BCAS3: variants seen among roughly 807,000 people sequenced by gnomAD.
BCAS3 encodes BCAS4/BCAS3 fusion.
BCAS3 carries 53 observed loss-of-function variants against 116.1 expected under a neutral mutation model. That is an observed-to-expected ratio of 0.46 (90% CI 0.37 to 0.57). The LOEUF is 0.57. Among genes scored for constraint, BCAS3 ranks in the 20% least tolerant of loss-of-function variants. The probability of loss-of-function intolerance (pLI) is 0.00; values close to 1 mark genes in which losing one functional copy is unlikely to be tolerated. For missense variants in BCAS3, 917 were observed against 1,165.4 expected (o/e 0.79, Z 3.10); for synonymous variants, 391 against 408.2 (o/e 0.96, Z 0.51).
intron 19 of BCAS3, among the ~76,000 whole-genome samples, chr17:61,071,550 G>A (rs1363780960): frequency 1.3e-5 from 2 of 152,194 alleles, no homozygotes; most frequent in African/African-American, 2.4e-5. Context: ...AGCTCTGCGA[G>A]GGATGTCAAT....
In BCAS3 at chr17:61,368,210, C is replaced by T. The variant is rs1047569378; in HGVS notation, c.2426-117C>T. 4.7e-5 allele frequency: 54 copies of T among 1,150,450 alleles called. No homozygotes were observed. The highest frequency in any genetic ancestry group is 6.1e-5 in the Non-Finnish European group (50 of 822,130). The allele number at this position is 1,150,450 out of a possible 1,614,324, so 71.3% of individuals were successfully genotyped here. ...CAGTCTGTTGGCGGCGTGCTTCCAT[C>T]CTACAGGAAGGCTACAATGGACCCT... On this transcript the variant is annotated intron_variant, in intron 22 of 23. Coordinates refer to ENST00000407086, the MANE Select transcript of BCAS3 (RefSeq NM_017679.5). This position sits in a 1 kb window ranked among gnomAD's most constrained non-coding sequence, Gnocchi z 6.0.
At position 61,324,466 on chromosome 17, in the gene BCAS3, C is replaced by T. The variant is rs370583713; in HGVS notation, c.2426-43861C>T. On this transcript the variant is annotated intron_variant, in intron 22 of 23. Transcript: ENST00000407086. The surrounding 1 kb of genome is among the most constrained non-coding windows in gnomAD (Gnocchi z 4.6). ...TATATGTACATGTAATATTTGTGTG[C>T]GTTTAATCCCAGTTCTAGTATATCC... Among the ~76,000 whole-genome samples, 65 of 152,272 alleles carry T rather than the reference C, an allele frequency of 4.3e-4. 1 individual carries two copies. The South Asian group carries it at 0.012, about 28-fold the overall frequency.
At chr17:60,970,282 C>A (rs1325018985) in intron 14 of BCAS3, among the ~76,000 whole-genome samples, 1 of 151,822 alleles carries the variant, frequency 6.6e-6, no homozygotes, top group Non-Finnish European at 1.5e-5. Flanking sequence ...ATGAAAATGG[C>A]ATACTAAAAA....
At chr17:61,152,887 A>G (rs1215193573) in intron 22 of BCAS3, among the ~76,000 whole-genome samples, 2 of 152,178 alleles carry the variant, frequency 1.3e-5, no homozygotes, top group Non-Finnish European at 2.9e-5. Flanking sequence ...TCTGTAAGGG[A>G]ATCCCTTATT....
chr17:61,005,551 A>G (rs909806028), intron 15 of BCAS3, among the ~76,000 whole-genome samples: 2 of 152,034 alleles, frequency 1.3e-5, no homozygotes, highest in African/African-American at 4.8e-5. Context: ...CATCTGAAGG[A>G]AATGCATCTT....
intron 10 of BCAS3, among the ~76,000 whole-genome samples, chr17:60,891,225 T>C (rs1221283679): frequency 6.6e-6 from 1 of 152,238 alleles, no homozygotes; most frequent in African/African-American, 2.4e-5. Context: ...ATGTATAAAT[T>C]GTCCCTTGGT....
At chr17:61,234,783 GAAAAA>G (rs71148395) in intron 22 of BCAS3, among the ~76,000 whole-genome samples, 52 of 143,148 alleles carry the variant, frequency 3.6e-4, no homozygotes, top group South Asian at 1.7e-3. Flanking sequence ...GCTTTTTCCA[GAAAAA>G]AAAAAAAAAA....
rs1326960240 is a variant in BCAS3 at position 61,376,082 on chromosome 17, G to C, written c.2593+7588G>C. On this transcript the variant is annotated intron_variant, in intron 23 of 23. Coordinates refer to ENST00000407086, the MANE Select transcript of BCAS3 (RefSeq NM_017679.5). The surrounding 1 kb of genome is among the most constrained non-coding windows in gnomAD (Gnocchi z 4.5). ...TTTATCCAGTCCAGCCCTAGGGGTA[G>C]ATAGATGCATCCTACTGGCCCAACT... 6.6e-6 allele frequency among the ~76,000 whole-genome samples: 1 copy of C among 152,214 alleles called. No homozygotes were observed. Among genetic ancestry groups the C allele is most frequent in the Non-Finnish European group, 1.5e-5 (1 of 68,048 alleles).
intron 22 of BCAS3, among the ~76,000 whole-genome samples, chr17:61,101,797 G>T (rs963873595): frequency 3.9e-5 from 6 of 152,014 alleles, no homozygotes; most frequent in African/African-American, 1.4e-4. Context: ...AATAATATTT[G>T]GCTTTTTAAT....
chr17:61,127,721 T>A (rs889168201), intron 22 of BCAS3, among the ~76,000 whole-genome samples: 6 of 148,726 alleles, frequency 4.0e-5, no homozygotes, highest in Admixed American at 2.0e-4. Flanking sequence ...CAAACTTCAA[T>A]AATGTCTGTC....
chr17:61,360,423 G>A (rs2058392257), intron 22 of BCAS3, among the ~76,000 whole-genome samples: 1 of 152,184 alleles, frequency 6.6e-6, no homozygotes, highest in Admixed American at 6.5e-5. Flanking sequence ...GCTGCTTTAA[G>A]GAATTACCAT....
rs1598329677 is a variant in BCAS3 at position 60,727,146 on chromosome 17, A to C, written c.321+17821A>C. ...TTCAACATTTTCTCTTCAAAATTAA[A>C]AGAAAAATATCCCAAAGTTTAGAAC... On this transcript the variant is annotated intron_variant, in intron 5 of 23. Transcript: ENST00000407086. 48 of 591,110 alleles carry C rather than the reference A, an allele frequency of 8.1e-5. 1 individual carries two copies. In the East Asian group the frequency reaches 1.6e-3, roughly 20 times the overall value. 36.6% of individuals were successfully genotyped at this position (591,110 alleles called of 1,614,324 possible).
intron 22 of BCAS3, among the ~76,000 whole-genome samples, chr17:61,287,678 A>G (rs2051965139): frequency 6.6e-6 from 1 of 152,086 alleles, no homozygotes. Flanking sequence ...GTGAGCCAAG[A>G]TGGCATCGTT....
Position 61,041,215 on chromosome 17 carries a change from A to G in BCAS3, c.2029+323A>G, listed in dbSNP as rs2067478548. Among the ~76,000 whole-genome samples the G allele has an allele frequency of 6.6e-6, 1 of 151,812 alleles. No individual in the cohort carries two copies. The highest frequency in any genetic ancestry group is 1.5e-5 in the Non-Finnish European group (1 of 68,002). ...GCTAGGATATAATAAAAAGTTTCATAAAGCTTGGAATCTGTTTCTAACATG... is the reference window on the plus strand; with the variant it reads ...GCTAGGATATAATAAAAAGTTTCATGAAGCTTGGAATCTGTTTCTAACATG... On this transcript the variant is annotated intron_variant, in intron 19 of 23. Coordinates refer to ENST00000407086, the MANE Select transcript of BCAS3 (RefSeq NM_017679.5). The surrounding 1 kb of genome is among the most constrained non-coding windows in gnomAD (Gnocchi z 4.7).
intron 3 of BCAS3, among the ~76,000 whole-genome samples, chr17:60,684,904 A>C (rs1345191317): frequency 6.6e-6 from 1 of 152,180 alleles, no homozygotes; most frequent in Non-Finnish European, 1.5e-5. Flanking sequence ...TCAACCTGAA[A>C]AGCTGAGTGG....
chr17:60,822,718 C>T (rs190795185), intron 7 of BCAS3, among the ~76,000 whole-genome samples: 7 of 152,324 alleles, frequency 4.6e-5, no homozygotes, highest in East Asian at 1.9e-4. Context: ...TAAGGAATTG[C>T]ACTTCCAGGT....
At chr17:60,853,375 TG>T (rs1478473641) in intron 7 of BCAS3, among the ~76,000 whole-genome samples, 2 of 152,244 alleles carry the variant, frequency 1.3e-5, no homozygotes, top group Non-Finnish European at 2.9e-5. Flanking sequence ...ATAAATTTAG[TG>T]GTGAACTGTA....
At chr17:61,373,199 C>T (rs2059139792) in intron 23 of BCAS3, among the ~76,000 whole-genome samples, 1 of 151,398 alleles carries the variant, frequency 6.6e-6, no homozygotes, top group South Asian at 2.1e-4. Flanking sequence ...AAGCAATTCT[C>T]CTGCCTCAGC....
At position 61,098,696 on chromosome 17, in the gene BCAS3, A is replaced by G. The variant is rs1205721003; in HGVS notation, c.2425+14132A>G. 2.0e-5 allele frequency among the ~76,000 whole-genome samples: 3 copies of G among 152,210 alleles called. No individual in the cohort carries two copies. Among genetic ancestry groups the G allele is most frequent in the Non-Finnish European group, 4.4e-5 (3 of 68,040 alleles). On this transcript the variant is annotated intron_variant, in intron 22 of 23. Coordinates refer to ENST00000407086, the MANE Select transcript of BCAS3 (RefSeq NM_017679.5). This position sits in a 1 kb window ranked among gnomAD's most constrained non-coding sequence, Gnocchi z 4.2. ...GTAGAAGGAGATGATACTGATAGCA[A>G]TTCTTAAGTCTCTAAATGTTTTTAC...
Sources: gnomAD v4.1 joint callset for allele counts (sites outside exome capture counted in the v4.1 genomes callset) on GRCh38, gnomAD v4.1.1 for gene constraint, Gnocchi (gnomAD v3.1) non-coding constraint, MANE v1.5 for transcripts, NCBI Gene and HGNC (gene_info 2026-07-23, HGNC 2026-07-21) for gene names.